The following SYT14 variants were observed in gnomAD, a reference collection of about 807,000 sequenced individuals.
The protein encoded by SYT14 is synaptotagmin-14.
Under a neutral mutation model 74.2 loss-of-function variants are expected in SYT14, and 32 were observed. The ratio of observed to expected loss-of-function variants is 0.43; its 90% CI spans 0.33 to 0.58. SYT14 has a LOEUF of 0.58. Ranked by LOEUF, SYT14 falls within the 20% of genes least tolerant of loss-of-function variation. The pLI, the probability that SYT14 is intolerant of heterozygous loss-of-function variation, is 0.05. For missense variants in SYT14, 791 were observed against 981.8 expected (o/e 0.81, Z 2.60); for synonymous variants, 298 against 337.7 (o/e 0.88, Z 1.29).
intron 2 of SYT14, among the ~76,000 whole-genome samples, chr1:209,978,908 G>A (rs1572102333): frequency 1.3e-5 from 2 of 152,196 alleles, no homozygotes; most frequent in Admixed American, 6.5e-5. Context: ...GCAGTGGCGG[G>A]CGCCCCTCCC....
exon 10 of SYT14, chr1:210,161,682 AT>A (rs763280535): frequency 6.4e-5 from 29 of 453,536 alleles, no homozygotes; most frequent in Non-Finnish European, 1.2e-4. Flanking sequence ...TTAATATGTT[AT>A]TTTTTTAAAA....
intron 5 of SYT14, among the ~76,000 whole-genome samples, chr1:210,059,159 T>C (rs373544047): frequency 1.3e-5 from 2 of 152,120 alleles, no homozygotes. Flanking sequence ...TTCTACTAGA[T>C]TCTTTACTAA....
intron 5 of SYT14, among the ~76,000 whole-genome samples, chr1:210,041,515 C>T (rs1333899442): frequency 6.6e-6 from 1 of 152,052 alleles, no homozygotes; most frequent in East Asian, 1.9e-4. Flanking sequence ...TGAATATATG[C>T]AGTACATTAA....
chr1:209,973,763 C>T (rs1212554842), intron 2 of SYT14, among the ~76,000 whole-genome samples: 7 of 152,198 alleles, frequency 4.6e-5, no homozygotes, highest in Non-Finnish European at 1.0e-4. Flanking sequence ...ATTTCTAGTT[C>T]TAGATCCCTG....
intron 1 of SYT14, among the ~76,000 whole-genome samples, chr1:209,950,237 C>T (rs909209833): frequency 6.6e-6 from 1 of 152,028 alleles, no homozygotes; most frequent in East Asian, 1.9e-4. Context: ...GAGAATAAGC[C>T]TTAATATGTA....
At chr1:210,012,377 T>C (rs2080101597) in intron 2 of SYT14, among the ~76,000 whole-genome samples, 1 of 152,180 alleles carries the variant, frequency 6.6e-6, no homozygotes, top group Non-Finnish European at 1.5e-5. Flanking sequence ...TGGTGTATGG[T>C]TGGTGCTCCA....
intron 7 of SYT14, among the ~76,000 whole-genome samples, chr1:210,128,306 G>A (rs372371859): frequency 6.6e-6 from 1 of 151,910 alleles, no homozygotes; most frequent in African/African-American, 2.4e-5. Flanking sequence ...GAGGCTGGGA[G>A]ATTGAGGCTG....
intron 7 of SYT14, among the ~76,000 whole-genome samples, chr1:210,130,179 T>TAC (rs2082645030): frequency 6.6e-6 from 1 of 152,240 alleles, no homozygotes; most frequent in African/African-American, 2.4e-5. Flanking sequence ...GAAGTACTTA[T>TAC]ACACACTATT....
At chr1:210,078,564 T>C (rs2081557520) in intron 5 of SYT14, among the ~76,000 whole-genome samples, 1 of 152,140 alleles carries the variant, frequency 6.6e-6, no homozygotes, top group African/African-American at 2.4e-5. Context: ...ATTTAAGACA[T>C]ATACTTTTAA....
At chr1:210,107,041 A>G (rs1448236663) in intron 7 of SYT14, among the ~76,000 whole-genome samples, 2 of 152,342 alleles carry the variant, frequency 1.3e-5, no homozygotes, top group South Asian at 2.1e-4. Flanking sequence ...CAAAGGGGCT[A>G]CGGGCCCCAT....
At chr1:210,037,457 C>T (rs1045715442) in intron 5 of SYT14, among the ~76,000 whole-genome samples, 30 of 149,804 alleles carry the variant, frequency 2.0e-4, no homozygotes, top group African/African-American at 7.3e-4. Context: ...ATTTCTTTTC[C>T]TCCAGTAATT....
At chr1:210,089,787 G>A (rs2081824589) in intron 5 of SYT14, among the ~76,000 whole-genome samples, 1 of 152,114 alleles carries the variant, frequency 6.6e-6, no homozygotes, top group Admixed American at 6.6e-5. Context: ...ACAAAGAATT[G>A]GACAAAATGC....
At chr1:210,038,618 G>A (rs1426615711) in intron 5 of SYT14, among the ~76,000 whole-genome samples, 2 of 152,022 alleles carry the variant, frequency 1.3e-5, no homozygotes, top group African/African-American at 4.8e-5. Context: ...TGGTTTAGTG[G>A]TGATGAATTC....
chr1:209,964,463 T>C (rs2079124301), intron 2 of SYT14, among the ~76,000 whole-genome samples: 1 of 152,164 alleles, frequency 6.6e-6, no homozygotes, highest in Non-Finnish European at 1.5e-5. Flanking sequence ...TTACACTGCT[T>C]TTATTATTGA....
chr1:209,952,892 A>G, intron 2 of SYT14, 136 bp downstream of exon 2: 2 of 1,091,480 alleles, frequency 1.8e-6, no homozygotes, highest in Non-Finnish European at 1.3e-6. Flanking sequence ...TGTCTTACAG[A>G]CTTAAGCATT....
chr1:209,989,573 C>T (rs1055168940), intron 2 of SYT14, among the ~76,000 whole-genome samples: 2 of 152,236 alleles, frequency 1.3e-5, no homozygotes, highest in Admixed American at 1.3e-4. Context: ...TTTTAACATT[C>T]CAGAAATGGT....
intron 8 of SYT14, chr1:210,156,839 CCCA>C (rs2083279689): frequency 5.6e-6 from 2 of 355,694 alleles, no homozygotes; most frequent in Middle Eastern, 9.7e-4. Context: ...ACTACAGGCA[CCCA>C]CCACCACACC....
At chr1:210,070,230 A>G (rs1188218280) in intron 5 of SYT14, among the ~76,000 whole-genome samples, 1 of 152,122 alleles carries the variant, frequency 6.6e-6, no homozygotes, top group Admixed American at 6.6e-5. Flanking sequence ...TCTTGCAGGA[A>G]GGCCTGGATC....
intron 7 of SYT14, among the ~76,000 whole-genome samples, chr1:210,124,983 G>T (rs952748083): frequency 3.3e-5 from 5 of 152,026 alleles, no homozygotes; most frequent in African/African-American, 9.7e-5. Context: ...CGAAGTTAAA[G>T]TGAAGGCAGA....
Sources: gnomAD v4.1 joint callset for allele counts (sites outside exome capture counted in the v4.1 genomes callset) on GRCh38, gnomAD v4.1.1 for gene constraint, MANE v1.5 for transcripts, NCBI Gene and HGNC (gene_info 2026-07-23, HGNC 2026-07-21) for gene names.